Variants in C19orf47 observed in about 807,000 individuals in gnomAD.
C19orf47 encodes uncharacterized protein C19orf47.
C19orf47 carries 18 observed loss-of-function variants against 32.3 expected under a neutral mutation model. The observed-to-expected ratio is 0.56, with a 90% CI of 0.39 to 0.83. C19orf47 has a LOEUF of 0.83. Ranked by LOEUF, C19orf47 falls within the 40% of genes least tolerant of loss-of-function variation. The pLI is 0.00. For synonymous variants in C19orf47, 202 were observed against 211.1 expected (o/e 0.96, Z 0.37); for missense variants, 484 against 531.6 (o/e 0.91, Z 0.88).
chr19:40,308,302 C>T, the C19orf47 span, among the ~76,000 whole-genome samples: 16 of 148,948 alleles, frequency 1.1e-4, no homozygotes, highest in African/African-American at 3.7e-4. Context: ...ATTACAGGCG[C>T]GTGTCACCAC....
chr19:40,348,522 C>T, upstream of C19orf47: 1 of 1,480,286 alleles, frequency 6.8e-7, no homozygotes, highest in Non-Finnish European at 8.9e-7. Context: ...CATCACGTGA[C>T]CGCCCACCGA....
intron 1 of C19orf47, among the ~76,000 whole-genome samples, chr19:40,345,079 G>T (rs895729411): frequency 6.6e-6 from 1 of 152,154 alleles, no homozygotes; most frequent in African/African-American, 2.4e-5. Flanking sequence ...AGGTACTATG[G>T]TCTGTTTTTC....
intron 1 of C19orf47, among the ~76,000 whole-genome samples, chr19:40,344,248 G>T (rs1431987528): frequency 6.6e-6 from 1 of 151,772 alleles, no homozygotes; most frequent in Non-Finnish European, 1.5e-5. Flanking sequence ...GGAGGTCGAG[G>T]CAGGTGGATC....
the C19orf47 span, among the ~76,000 whole-genome samples, chr19:40,308,632 T>G: frequency 6.6e-6 from 1 of 151,728 alleles, no homozygotes; most frequent in African/African-American, 2.4e-5. Context: ...CCTGACAAAT[T>G]TTTGTGTTTT....
the C19orf47 span, among the ~76,000 whole-genome samples, chr19:40,309,254 C>T: frequency 4.0e-5 from 6 of 149,324 alleles, no homozygotes; most frequent in East Asian, 3.9e-4. Flanking sequence ...TACAGTGGCT[C>T]GGTCTCAGCT....
At chr19:40,311,711 A>G in the C19orf47 span, among the ~76,000 whole-genome samples, 1 of 151,174 alleles carries the variant, frequency 6.6e-6, no homozygotes, top group Non-Finnish European at 1.5e-5. Flanking sequence ...GCTAGAATGC[A>G]GTGGCACAAT....
chr19:40,314,922 T>C (rs1343746091), downstream of C19orf47, among the ~76,000 whole-genome samples: 5 of 152,120 alleles, frequency 3.3e-5, no homozygotes, highest in Non-Finnish European at 7.4e-5. Flanking sequence ...GTAACTCCAG[T>C]GTAATCATGA....
At position 40,326,778 on chromosome 19, in the gene C19orf47, G is replaced by A. The variant is rs2077840254; in HGVS notation, c.440-292C>T. Reference sequence around the variant, plus strand: ...CAGCCCAGCCCACATCCCCTCGGATGGGGAACCTGCTGGGTGGTGGAAAGG... The same window carrying A: ...CAGCCCAGCCCACATCCCCTCGGATAGGGAACCTGCTGGGTGGTGGAAAGG... On this transcript the variant is annotated intron_variant, in intron 6 of 8. Coordinates refer to ENST00000683109, the MANE Select transcript of C19orf47 (RefSeq NM_001256441.2). Among the ~76,000 whole-genome samples the A allele has an allele frequency of 1.3e-5, 2 of 152,100 alleles. 1 individual carries two copies. The highest frequency in any genetic ancestry group is 4.1e-4 in the South Asian group (2 of 4,830).
downstream of C19orf47, among the ~76,000 whole-genome samples, chr19:40,317,128 C>T (rs1341649596): frequency 2.0e-5 from 3 of 149,104 alleles, no homozygotes; most frequent in Non-Finnish European, 3.0e-5. Context: ...TTTTTTTTTT[C>T]GAGACAAGAG....
At position 40,336,134 on chromosome 19, in the gene C19orf47, C is replaced by A; in HGVS notation, c.198G>T (p.Lys66Asn). Residue 66 changes from lysine to asparagine, a missense_variant, in exon 4 of 9, where the codon AAG becomes AAT. By Grantham distance (94) the Lys-to-Asn change is moderately conservative (BLOSUM62 0). Transcript: ENST00000683109. ...TVVGDIIAIL[K>N]HAKVVHRQDM... ...CCTGACGGTGCACCACTTTGGCATG[C>A]TTGAGAATGGCGATGATGTCACCCA... The A allele has an allele frequency of 6.2e-7, 1 of 1,614,214 alleles. No individual in the cohort carries two copies. Among genetic ancestry groups the A allele is most frequent in the Non-Finnish European group, 8.5e-7 (1 of 1,180,046 alleles).
intron 5 of C19orf47, among the ~76,000 whole-genome samples, chr19:40,332,109 G>A (rs2077966304): frequency 6.6e-6 from 1 of 151,854 alleles, no homozygotes; most frequent in African/African-American, 2.4e-5. Context: ...GCTCATGCCT[G>A]CACTTTGGGA....
Position 40,321,054 on chromosome 19 carries a change from G to T in C19orf47, c.*828C>A, listed in dbSNP as rs2077708679. The T allele has an allele frequency of 5.3e-6, 1 of 188,036 alleles. No individual in the cohort carries two copies. Among genetic ancestry groups the T allele is most frequent in the African/African-American group, 2.4e-5 (1 of 42,046 alleles). The allele number at this position is 188,036 out of a possible 1,614,324, so 11.6% of individuals were successfully genotyped here. ...CCTGCAACTCACCCTGAAGGAGTGGGGGAAATGATTTGAAAGTCACAAAAA... is the reference window on the plus strand; with the variant it reads ...CCTGCAACTCACCCTGAAGGAGTGGTGGAAATGATTTGAAAGTCACAAAAA... On this transcript the variant is annotated 3_prime_UTR_variant, in exon 9 of 9. Coordinates refer to ENST00000683109, the MANE Select transcript of C19orf47 (RefSeq NM_001256441.2).
At chr19:40,310,431 A>G in the C19orf47 span, among the ~76,000 whole-genome samples, 1 of 152,154 alleles carries the variant, frequency 6.6e-6, no homozygotes, top group African/African-American at 2.4e-5. Flanking sequence ...GGCGTGTGCC[A>G]CCACACCCCG....
At chr19:40,332,943 T>G (rs1207790776) in intron 5 of C19orf47, among the ~76,000 whole-genome samples, 1 of 152,162 alleles carries the variant, frequency 6.6e-6, no homozygotes, top group African/African-American at 2.4e-5. Context: ...TTCACATTTT[T>G]GTTGGTGATT....
At chr19:40,331,880 T>C (rs1297821140) in intron 5 of C19orf47, among the ~76,000 whole-genome samples, 1 of 150,824 alleles carries the variant, frequency 6.6e-6, no homozygotes, top group East Asian at 2.0e-4. Context: ...CTACTAAAAA[T>C]AACAAAAATT....
chr19:40,342,492 T>C (rs978208741), intron 1 of C19orf47: 8 of 153,074 alleles, frequency 5.2e-5, no homozygotes, highest in African/African-American at 1.9e-4. Flanking sequence ...GAGAACCTAC[T>C]ATGTGTAAGG....
At chr19:40,301,159 A>G in the C19orf47 span, among the ~76,000 whole-genome samples, 1 of 151,946 alleles carries the variant, frequency 6.6e-6, no homozygotes, top group Non-Finnish European at 1.5e-5. Context: ...CTCAGAAAAT[A>G]AAAAGAAAAA....
At chr19:40,322,488 C>A (rs1600165530) in intron 8 of C19orf47, 112 bp from the exon 9 acceptor site, 1 of 1,260,276 alleles carries the variant, frequency 7.9e-7, no homozygotes. Context: ...GGAGAAACAC[C>A]CATCACTGAC....
At chr19:40,304,447 A>G in the C19orf47 span, among the ~76,000 whole-genome samples, 1 of 152,096 alleles carries the variant, frequency 6.6e-6, no homozygotes, top group Non-Finnish European at 1.5e-5. Flanking sequence ...ATCACAGGAG[A>G]TGAGACTGGA....
Sources: allele counts gnomAD v4.1 joint callset (sites outside exome capture counted in the v4.1 genomes callset), GRCh38; gene constraint gnomAD v4.1.1; transcripts MANE v1.5; gene names NCBI Gene and HGNC (gene_info 2026-07-23, HGNC 2026-07-21).